PCLAF: variants seen among roughly 807,000 people sequenced by gnomAD.
PCLAF encodes the protein PCNA clamp associated factor, also known as PCNA-associated factor.
Under a neutral mutation model 15.1 loss-of-function variants are expected in PCLAF, and 12 were observed. The observed-to-expected ratio is 0.79, with a 90% CI of 0.51 to 1.29. The LOEUF is 1.29. Among genes scored for constraint, PCLAF ranks in the 50% most tolerant of loss-of-function variants. The pLI is 0.00. For synonymous variants in PCLAF, 33 were observed against 47.1 expected, an observed-to-expected ratio of 0.70 and a Z score of 1.22; for missense variants, 116 against 130.9, an observed-to-expected ratio of 0.89 and a Z score of 0.56.
chr15:64,373,506 A>T, intron 3 of PCLAF: 1 of 876,602 alleles, frequency 1.1e-6, no homozygotes, highest in Non-Finnish European at 1.6e-6. Context: ...TCTTAATGGT[A>T]GAGATGTAGA....
intron 3 of PCLAF, among the ~76,000 whole-genome samples, chr15:64,376,273 T>A (rs1899599441): frequency 6.6e-6 from 1 of 152,034 alleles, no homozygotes; most frequent in Admixed American, 6.6e-5. Flanking sequence ...AATAAGAAAT[T>A]AGAAGAAGTT....
intron 1 of PCLAF, among the ~76,000 whole-genome samples, chr15:64,386,734 C>T (rs1899948978): frequency 6.6e-6 from 1 of 151,966 alleles, no homozygotes; most frequent in Non-Finnish European, 1.5e-5. Flanking sequence ...GACACTGCGC[C>T]CGGCCAATAC....
chr15:64,374,279 C>T (rs528947983), intron 3 of PCLAF, among the ~76,000 whole-genome samples: 3 of 152,174 alleles, frequency 2.0e-5, no homozygotes, highest in East Asian at 1.9e-4. Flanking sequence ...TGGTTGCACT[C>T]GCCTGTAATC....
chr15:64,371,220 G>A (rs1409691163), intron 3 of PCLAF, among the ~76,000 whole-genome samples: 5 of 151,080 alleles, frequency 3.3e-5, no homozygotes, highest in African/African-American at 7.3e-5. Context: ...CGCCCACCTC[G>A]GCCTCCCAAA....
intron 3 of PCLAF, among the ~76,000 whole-genome samples, chr15:64,367,533 A>G (rs892838450): frequency 6.6e-6 from 1 of 152,000 alleles, no homozygotes; most frequent in East Asian, 1.9e-4. Flanking sequence ...AACAAAAAAC[A>G]AAGTCATTTT....
At chr15:64,373,632 C>A in intron 3 of PCLAF, 1 of 1,515,416 alleles carries the variant, frequency 6.6e-7, no homozygotes, top group African/African-American at 1.4e-5. Context: ...AATGAAGAAA[C>A]CTGCACGGGT....
chr15:64,387,482 T>C, exon 1 of PCLAF: 1 of 1,280,874 alleles, frequency 7.8e-7, no homozygotes, highest in Middle Eastern at 2.2e-4. Flanking sequence ...TGTTTTATTT[T>C]ACATAAAACC....
intron 3 of PCLAF, chr15:64,373,404 G>T (rs1003599444): frequency 1.3e-4 from 42 of 311,566 alleles, no homozygotes; most frequent in Non-Finnish European, 2.0e-4. Context: ...TGAAGACCTG[G>T]TTTTTTTCCT....
rs755251540 is a variant in PCLAF at position 64,381,384 on chromosome 15, AGAGAG to A, written c.-18_-14del. 2 of 1,614,108 alleles carry A rather than the reference AGAGAG, an allele frequency of 1.2e-6. No individual in the cohort carries two copies. The highest frequency in any genetic ancestry group is 1.7e-6 in the Non-Finnish European group (2 of 1,179,970). ...TAGTCCGCACCATGTTCAAACAAGA[AGAGAG>A]GAGAGGAGAGAACGAACTGACTTCC... On this transcript the variant is annotated 5_prime_UTR_variant, in exon 1 of 4. Coordinates refer to ENST00000300035, the MANE Select transcript of PCLAF (RefSeq NM_014736.6).
chr15:64,373,806 G>T (rs1180819160), intron 3 of PCLAF: 2 of 1,529,988 alleles, frequency 1.3e-6, no homozygotes, highest in Non-Finnish European at 1.7e-6. Context: ...ATATTCAAGG[G>T]GCATCATAAT....
At chr15:64,370,566 G>T (rs545120293) in intron 3 of PCLAF, among the ~76,000 whole-genome samples, 3 of 151,484 alleles carry the variant, frequency 2.0e-5, no homozygotes, top group Non-Finnish European at 4.4e-5. Flanking sequence ...CGGGGGTTTC[G>T]CCGTGTTGGC....
chr15:64,381,230 C>A lies in PCLAF; in HGVS notation c.46+96G>T, dbSNP rs752279175. On this transcript the variant is annotated intron_variant, in intron 1 of 3. Transcript: ENST00000300035. The stretch of plus-strand genomic sequence containing the variant: ...TCCCTGGCTAGCTAGATGAGTTTGG[C>A]GCACAGGGCCCAGGGGGACCTCTGG... 7 of 1,457,552 alleles carry A rather than the reference C, an allele frequency of 4.8e-6. No individual in the cohort carries two copies. In the African/African-American group the frequency reaches 8.4e-5, roughly 17 times the overall value. The allele number at this position is 1,457,552 out of a possible 1,614,324, so 90.3% of individuals were successfully genotyped here.
At chr15:64,376,373 T>TATTA (rs963958706) in intron 3 of PCLAF, among the ~76,000 whole-genome samples, 3 of 152,164 alleles carry the variant, frequency 2.0e-5, no homozygotes, top group Non-Finnish European at 2.9e-5. Flanking sequence ...ATATTTTCTT[T>TATTA]ATTAATTAAT....
upstream of PCLAF, among the ~76,000 whole-genome samples, chr15:64,381,897 TG>T (rs1293592083): frequency 6.6e-6 from 1 of 152,198 alleles, no homozygotes; most frequent in African/African-American, 2.4e-5. Flanking sequence ...ATGAACTCTT[TG>T]TACAGCATCC....
At chr15:64,381,617 G>T (rs1899825838), upstream of PCLAF, 1 of 1,169,446 alleles carries the variant, frequency 8.6e-7, no homozygotes, top group Non-Finnish European at 1.2e-6. Flanking sequence ...AACACGCAAA[G>T]GCCTAGGATT....
intron 3 of PCLAF, among the ~76,000 whole-genome samples, chr15:64,369,418 T>G (rs938553300): frequency 6.6e-6 from 1 of 150,666 alleles, no homozygotes; most frequent in Non-Finnish European, 1.5e-5. Flanking sequence ...AGGGTATCCC[T>G]TTGGTTGATT....
intron 2 of PCLAF, among the ~76,000 whole-genome samples, chr15:64,379,272 T>C (rs528494209): frequency 6.6e-6 from 1 of 151,570 alleles, no homozygotes; most frequent in African/African-American, 2.4e-5. Flanking sequence ...AGCCCAGGAG[T>C]TCGAGACCAG....
intron 1 of PCLAF, chr15:64,387,387 A>T (rs1899969331): frequency 8.0e-6 from 8 of 998,752 alleles, no homozygotes; most frequent in Non-Finnish European, 8.8e-6. Flanking sequence ...GTCTCAAAAT[A>T]AATAAATAAA....
At chr15:64,375,926 C>T (rs1899588518) in intron 3 of PCLAF, among the ~76,000 whole-genome samples, 1 of 152,098 alleles carries the variant, frequency 6.6e-6, no homozygotes, top group Non-Finnish European at 1.5e-5. Context: ...ATACTTTTTA[C>T]TAATGTTTGA....
Sources: gnomAD v4.1 joint callset for allele counts (sites outside exome capture counted in the v4.1 genomes callset) on GRCh38, gnomAD v4.1.1 for gene constraint, MANE v1.5 for transcripts, NCBI Gene and HGNC (gene_info 2026-07-23, HGNC 2026-07-21) for gene names.